The following COL7A1 variants were observed in gnomAD, a reference collection of about 807,000 sequenced individuals.
The protein encoded by COL7A1 is collagen type VII alpha 1 chain.
In COL7A1, 296 loss-of-function variants were observed where a neutral mutation model predicts 456.2. The ratio of observed to expected loss-of-function variants is 0.65; its 90% CI spans 0.59 to 0.71. COL7A1 has a LOEUF of 0.71. Among genes scored for constraint, COL7A1 ranks in the 30% least tolerant of loss-of-function variants. The pLI, the probability that COL7A1 is intolerant of heterozygous loss-of-function variation, is 0.00. For missense variants in COL7A1, 3,441 were observed against 4,017.2 expected, an observed-to-expected ratio of 0.86 and a Z score of 3.88; for synonymous variants, 1,464 against 1,525.9, an observed-to-expected ratio of 0.96 and a Z score of 0.95.
rs762823979 is a variant in COL7A1 at position 48,578,298 on chromosome 3, G to A, written c.5532+23C>T. 5.2e-5 allele frequency: 84 copies of A among 1,612,014 alleles called. No individual in the cohort carries two copies. Among genetic ancestry groups the A allele is most frequent in the Middle Eastern group, 4.4e-4 (2 of 4,518 alleles). On this transcript the variant is annotated intron_variant, in intron 65 of 118. Transcript: ENST00000681320. This position sits in a 1 kb window ranked among gnomAD's most constrained non-coding sequence, Gnocchi z 4.7. ...CTGGCGTTTCTTGGCAGGTTTCGCC[G>A]CAGCTGCCCTGGACACACTCACGTT...
At chr3:48,576,377 T>G in intron 70 of COL7A1, 23 bp downstream of exon 70, 1 of 1,613,800 alleles carries the variant, frequency 6.2e-7, no homozygotes, top group Non-Finnish European at 8.5e-7. Flanking sequence ...TACCTGGGCA[T>G]GTGGAAAAGG....
At position 48,584,351 on chromosome 3, in the gene COL7A1, G is replaced by C. The variant is rs938985830; in HGVS notation, c.4144C>G (p.Leu1382Val). The C allele has an allele frequency of 3.7e-6, 6 of 1,613,376 alleles. No individual in the cohort carries two copies. The African/African-American group carries it at 8.0e-5, about 22-fold the overall frequency. ...PSGPPGPRGP[L>V]GDPGPRGPPG... ...GGGCCACGGGGTCCTGGGTCCCCCA[G>C]TGGTCCACGAGGTCCAGGGGGGCCC... The change falls in exon 37 of 119, where the codon CTG becomes GTG. Residue 1382 changes from leucine to valine, a missense_variant. By Grantham distance (32) the Leu-to-Val change is conservative (BLOSUM62 1). Transcript: ENST00000681320.
Position 48,572,706 on chromosome 3 carries a change from T to C in COL7A1, c.6865A>G (p.Lys2289Glu). ...SPGLPGPVGP[K>E]GEPGPTGAPG... ...GCCCCCGTGGGGCCAGGTTCTCCTT[T>C]AGGTCCGACAGGGCCAGGCAGACCT... Residue 2289 changes from lysine (K) to glutamate (E), a missense_variant, in exon 88 of 119, where the codon AAA becomes GAA. By Grantham distance (56) the Lys-to-Glu change is moderately conservative (BLOSUM62 1). Coordinates refer to ENST00000681320, the MANE Select transcript of COL7A1 (RefSeq NM_000094.4). The surrounding 1 kb of genome is among the most constrained non-coding windows in gnomAD (Gnocchi z 4.6). 2 of 1,608,718 alleles carry C rather than the reference T, an allele frequency of 1.2e-6. No homozygotes were observed. Among genetic ancestry groups the C allele is most frequent in the Non-Finnish European group, 1.7e-6 (2 of 1,177,552 alleles).
Position 48,590,438 on chromosome 3 carries a change from C to G in COL7A1, c.1906+21G>C, listed in dbSNP as rs2045611936. ...CCCTCATTGGTCCCTTTGGCAGTCC[C>G]CCCACACACCCCACACTGACCACTG... On this transcript the variant is annotated intron_variant, in intron 15 of 118. Transcript: ENST00000681320. The surrounding 1 kb of genome is among the most constrained non-coding windows in gnomAD (Gnocchi z 4.6). 6.2e-7 allele frequency: 1 copy of G among 1,613,978 alleles called. No homozygotes were observed. Among genetic ancestry groups the G allele is most frequent in the Non-Finnish European group, 8.5e-7 (1 of 1,180,010 alleles).
Position 48,565,700 on chromosome 3 carries a change from T to TAGGG in COL7A1, c.8408-33_8408-32insCCCT. On this transcript the variant is annotated intron_variant, in intron 114 of 118. Transcript: ENST00000681320. The surrounding 1 kb of genome is among the most constrained non-coding windows in gnomAD (Gnocchi z 4.5). ...GGGGCAGAGAGGGATAGAGAGACAA[T>TAGGG]GACAGAGAGAAGGATGGGAAGATGG... 1 of 1,595,538 alleles carries TAGGG rather than the reference T, an allele frequency of 6.3e-7. No individual in the cohort carries two copies. Among genetic ancestry groups the TAGGG allele is most frequent in the Non-Finnish European group, 8.6e-7 (1 of 1,169,164 alleles).
In COL7A1 at chr3:48,590,266, G is replaced by A. The variant is rs748075413; in HGVS notation, c.1997C>T (p.Ser666Leu). The A allele has an allele frequency of 1.6e-5, 26 of 1,613,834 alleles. No individual in the cohort carries two copies. Among genetic ancestry groups the A allele is most frequent in the Middle Eastern group, 1.6e-4 (1 of 6,084 alleles). The change falls in exon 16 of 119, where the codon TCG becomes TTG. Residue 666 changes from serine (S) to leucine (L), a missense_variant. This residue lies in a region of COL7A1 where 913 missense variants were observed against 1,088.2 expected (regional missense o/e 0.84). Transcript: ENST00000681320. This position sits in a 1 kb window ranked among gnomAD's most constrained non-coding sequence, Gnocchi z 4.6. Reference sequence around the variant, plus strand: ...GCCCTCCTCTCTGCCTCGCAGTACCGACACAGCCACCTGGTAGGTGGTTCC... The same window carrying A: ...GCCCTCCTCTCTGCCTCGCAGTACCAACACAGCCACCTGGTAGGTGGTTCC... Reference protein sequence around the residue: ...QPGTTYQVAVSVLRGREEGPA... With the variant: ...QPGTTYQVAVLVLRGREEGPA...
Position 48,582,336 on chromosome 3 carries a change from T to C in COL7A1, c.4622A>G (p.Asp1541Gly), listed in dbSNP as rs1331766891. 1 of 1,613,700 alleles carries C rather than the reference T, an allele frequency of 6.2e-7. No homozygotes were observed. Among genetic ancestry groups the C allele is most frequent in the Non-Finnish European group, 8.5e-7 (1 of 1,179,942 alleles). The stretch of plus-strand genomic sequence containing the variant: ...CCCGTCACTCACCACCACTGCAGGG[T>C]CCCCAGGGCGACCAGGCTCCCCCTG... ...GEKGEPGRPG[D>G]PAVVGPAVAG... The change falls in exon 47 of 119, where the codon GAC becomes GGC. Residue 1541 changes from aspartate (D) to glycine (G), a missense_variant. Asp to Gly is a moderately conservative substitution (Grantham distance 94). Around this residue, in one of 3 missense-constraint regions of COL7A1, gnomAD observed 2,084 missense variants for 2,501.3 expected, o/e 0.83. Coordinates refer to ENST00000681320, the MANE Select transcript of COL7A1 (RefSeq NM_000094.4).
intron 69 of COL7A1, 39 bp from the exon 70 acceptor site, chr3:48,576,474 G>A (rs761859633): frequency 6.2e-7 from 1 of 1,612,792 alleles, no homozygotes; most frequent in Admixed American, 1.7e-5. Context: ...ATGGCCCCCA[G>A]CCTGGTCAGC....
Position 48,590,170 on chromosome 3 carries a change from AG to A in COL7A1, c.2050+42del. 6.2e-7 allele frequency: 1 copy of A among 1,603,518 alleles called. No individual in the cohort carries two copies. Among genetic ancestry groups the A allele is most frequent in the Non-Finnish European group, 8.5e-7 (1 of 1,174,496 alleles). On this transcript the variant is annotated intron_variant, in intron 16 of 118. Transcript: ENST00000681320. The surrounding 1 kb of genome is among the most constrained non-coding windows in gnomAD (Gnocchi z 4.6). ...AAGGGAAGGCATGGGGGTCTGAAAG[AG>A]CAATGGAGGCAGAGAGCCAAGGGAC...
In COL7A1 at chr3:48,585,167, T is replaced by TCCAGCAAACCA; in HGVS notation, c.3895-52_3895-51insTGGTTTGCTGG. The TCCAGCAAACCA allele has an allele frequency of 6.3e-7, 1 of 1,584,464 alleles. No individual in the cohort carries two copies. The highest frequency in any genetic ancestry group is 8.6e-7 in the Non-Finnish European group (1 of 1,162,094). ...GGAAGGGACCCTCCCCCAAGGCCCC[T>TCCAGCAAACCA]GGTTTGCTGGAGGGGCCTCACCCCA... On this transcript the variant is annotated intron_variant, in intron 32 of 118. Coordinates refer to ENST00000681320, the MANE Select transcript of COL7A1 (RefSeq NM_000094.4). The surrounding 1 kb of genome is among the most constrained non-coding windows in gnomAD (Gnocchi z 4.5).
At position 48,593,580 on chromosome 3, in the gene COL7A1, T is replaced by C; in HGVS notation, c.383A>G (p.Asp128Gly). 6.2e-7 allele frequency: 1 copy of C among 1,614,178 alleles called. No homozygotes were observed. The highest frequency in any genetic ancestry group is 8.5e-7 in the Non-Finnish European group (1 of 1,180,024). The change falls in exon 4 of 119, where the codon GAC (aspartate) becomes GGC (glycine). Residue 128 changes from aspartate (D) to glycine (G), a missense_variant. By Grantham distance (94) the Asp-to-Gly change is moderately conservative. This residue lies in a region of COL7A1 where 913 missense variants were observed against 1,088.2 expected (regional missense o/e 0.84). Transcript: ENST00000681320. The surrounding 1 kb of genome is among the most constrained non-coding windows in gnomAD (Gnocchi z 4.4). ...RTGAAILHVA[D>G]HVFLPQLARP... is the part of the protein sequence containing the mutation. ...GGCCAGCTGGGGCAGGAAGACATGG[T>C]CAGCCACATGGAGAATTGCAGCCCC...
Position 48,570,148 on chromosome 3 carries a change from G to A in COL7A1, c.7471C>T (p.Pro2491Ser), listed in dbSNP as rs1411979631. 6.2e-7 allele frequency: 1 copy of A among 1,614,076 alleles called. No individual in the cohort carries two copies. ...GEDGRPGQEG[P>S]RGLTGPPGSR... ...GCGGGACCCACCGTGAGTCCTCGGG[G>A]TCCCTCCTGGCCGGGGCGGCCATCT... Residue 2491 changes from proline to serine, a missense_variant, in exon 99 of 119, where the codon CCC (proline) becomes TCC (serine). Coordinates refer to ENST00000681320, the MANE Select transcript of COL7A1 (RefSeq NM_000094.4). The surrounding 1 kb of genome is among the most constrained non-coding windows in gnomAD (Gnocchi z 5.5).
rs749065577 is a variant in COL7A1 at position 48,575,847 on chromosome 3, C to G, written c.5856+20G>C. 1.9e-6 allele frequency: 3 copies of G among 1,614,138 alleles called. No individual in the cohort carries two copies. The Admixed American group carries it at 5.0e-5, about 27-fold the overall frequency. On this transcript the variant is annotated intron_variant, in intron 72 of 118. Transcript: ENST00000681320. The surrounding 1 kb of genome is among the most constrained non-coding windows in gnomAD (Gnocchi z 6.3). ...CAAGGGCCCCCACTTGTCCCTACCC[C>G]CAGCCCCTAAACAACCCACCTTGAT... is the stretch of plus-strand genomic sequence containing the variant.
rs2045906498 is a variant in COL7A1, at chr3:48,594,175, T to A, written c.266+193A>T. 6.6e-6 allele frequency among the ~76,000 whole-genome samples: 1 copy of A among 152,212 alleles called. No individual in the cohort carries two copies. The highest frequency in any genetic ancestry group is 1.5e-5 in the Non-Finnish European group (1 of 68,018). ...TGTCTTGCAGTAGCCTGGAGGTGCC[T>A]CAGGGCACGAAGGTTCTACCTAGGG... On this transcript the variant is annotated intron_variant, in intron 3 of 118. Coordinates refer to ENST00000681320, the MANE Select transcript of COL7A1 (RefSeq NM_000094.4). This position sits in a 1 kb window ranked among gnomAD's most constrained non-coding sequence, Gnocchi z 5.5.
rs1259005711 is a variant in COL7A1, at chr3:48,583,195, G to C, written c.4438-24C>G. On this transcript the variant is annotated intron_variant, in intron 42 of 118. Transcript: ENST00000681320. The surrounding 1 kb of genome is among the most constrained non-coding windows in gnomAD (Gnocchi z 5.1). ...CCCTGAAGAGAGAGGGTGAGAGAAA[G>C]ACAGAGAGAGAGAGGGTTGGTGGCG... is the stretch of plus-strand genomic sequence containing the variant. 2.0e-5 allele frequency: 33 copies of C among 1,613,146 alleles called. No homozygotes were observed. The East Asian group carries it at 7.1e-4, about 35-fold the overall frequency.
In COL7A1 at chr3:48,580,196, A is replaced by G. The variant is rs546703438; in HGVS notation, c.5097+104T>C. On this transcript the variant is annotated intron_variant, in intron 56 of 118. Coordinates refer to ENST00000681320, the MANE Select transcript of COL7A1 (RefSeq NM_000094.4). This position sits in a 1 kb window ranked among gnomAD's most constrained non-coding sequence, Gnocchi z 4.5. Reference sequence around the variant, plus strand: ...CCCCAGCAGGCATGGGTGGCCATCCATGCTTCCCACCTGGACCTCCAGACC... The same window carrying G: ...CCCCAGCAGGCATGGGTGGCCATCCGTGCTTCCCACCTGGACCTCCAGACC... The G allele has an allele frequency of 6.5e-7, 1 of 1,543,128 alleles. No individual in the cohort carries two copies. Among genetic ancestry groups the G allele is most frequent in the East Asian group, 2.3e-5 (1 of 42,572 alleles).
chr3:48,593,348 G>A lies in COL7A1; in HGVS notation c.520+8C>T, dbSNP rs1267500977. 2 of 1,613,866 alleles carry A rather than the reference G, an allele frequency of 1.2e-6. No homozygotes were observed. The highest frequency in any genetic ancestry group is 1.7e-6 in the Non-Finnish European group (2 of 1,180,020). On this transcript the variant is annotated splice_region_variant and intron_variant, in intron 5 of 118. Coordinates refer to ENST00000681320, the MANE Select transcript of COL7A1 (RefSeq NM_000094.4). This position sits in a 1 kb window ranked among gnomAD's most constrained non-coding sequence, Gnocchi z 4.4. ...CCAGCTGACCTGTCACTCCTGCTCG[G>A]TCCTTACCCACAGCAAATAGCTTGA... is the stretch of plus-strand genomic sequence containing the variant.
Position 48,586,378 on chromosome 3 carries a change from G to T in COL7A1, c.3504C>A (p.Pro1168=), listed in dbSNP as rs771346243. Reference sequence around the variant, plus strand: ...TGGGGCTGAATATGTCACCTCTCAAGGGTTCATCCACTAGCAGAACCATCA... The same window carrying T: ...TGGGGCTGAATATGTCACCTCTCAATGGTTCATCCACTAGCAGAACCATCA... ...PGVMVLLVDE[P]LRGDIFSPIR... Residue 1168 remains proline (P), a synonymous_variant, in exon 27 of 119, where the codon CCC becomes CCA. Transcript: ENST00000681320. The surrounding 1 kb of genome is among the most constrained non-coding windows in gnomAD (Gnocchi z 5.1). The T allele has an allele frequency of 2.5e-6, 4 of 1,613,868 alleles. No homozygotes were observed. In the Admixed American group the frequency reaches 6.7e-5, roughly 27 times the overall value.
chr3:48,587,700 A>T lies in COL7A1; in HGVS notation c.2857+93T>A. The T allele has an allele frequency of 6.2e-7, 1 of 1,602,430 alleles. No homozygotes were observed. The highest frequency in any genetic ancestry group is 8.5e-7 in the Non-Finnish European group (1 of 1,170,426). On this transcript the variant is annotated intron_variant, in intron 22 of 118. Transcript: ENST00000681320. The surrounding 1 kb of genome is among the most constrained non-coding windows in gnomAD (Gnocchi z 6.1). ...CACCCAGGGTCAGAGGGTGAGGGGT[A>T]GGGGTACAGGAGGAGTCACTCAGAG...
Sources: allele counts gnomAD v4.1 joint callset (sites outside exome capture counted in the v4.1 genomes callset), GRCh38; gene constraint gnomAD v4.1.1; regional missense constraint gnomAD v4.1.1; non-coding constraint Gnocchi (gnomAD v3.1); transcripts MANE v1.5; gene names NCBI Gene and HGNC (gene_info 2026-07-23, HGNC 2026-07-21).